The following NLGN4Y variants were observed in gnomAD, a reference collection of about 807,000 sequenced individuals.
NLGN4Y encodes the protein neuroligin 4 Y-linked.
Under a neutral mutation model 8.4 loss-of-function variants are expected in NLGN4Y, and 4 were observed. That is an observed-to-expected ratio of 0.48 (90% CI 0.23 to 1.09). The LOEUF (loss-of-function observed/expected upper bound fraction) is 1.09, where lower values mean the gene tolerates loss of function less well. Ranked by LOEUF, NLGN4Y falls within the 50% of genes least tolerant of loss-of-function variation. The probability of loss-of-function intolerance (pLI) is 0.19; values close to 1 mark genes in which losing one functional copy is unlikely to be tolerated. For missense variants in NLGN4Y, 90 were observed against 192.3 expected, an observed-to-expected ratio of 0.47 and a Z score of 3.15; for synonymous variants, 35 against 75.6, an observed-to-expected ratio of 0.46 and a Z score of 2.78.
At chrY:14,757,911 T>C (rs2081067417) in intron 4 of NLGN4Y, among the ~76,000 whole-genome samples, 1 of 34,762 alleles carries the variant, frequency 2.9e-5, no homozygotes, top group African/African-American at 1.1e-4. Flanking sequence ...CATGATACTC[T>C]CTGGATCATT....
intron 1 of NLGN4Y, among the ~76,000 whole-genome samples, chrY:14,542,406 G>A (rs2080153522): frequency 3.0e-5 from 1 of 33,304 alleles, no homozygotes; most frequent in Non-Finnish European, 7.4e-5. Flanking sequence ...CAGAAAATTA[G>A]CAAGGATATT....
intron 1 of NLGN4Y, among the ~76,000 whole-genome samples, chrY:14,553,566 CTGTGTGTGTG>C: frequency 4.6e-5 from 1 of 21,735 alleles, no homozygotes; most frequent in South Asian, 1.1e-3. Context: ...GGTACCAAAA[CTGTGTGTGTG>C]TGTGTGTGTG....
intron 2 of NLGN4Y, among the ~76,000 whole-genome samples, chrY:14,627,011 C>T: frequency 2.2e-4 from 1 of 4,526 alleles, no homozygotes; most frequent in Non-Finnish European, 4.5e-4. Flanking sequence ...ATTGAAACCC[C>T]GTTTCTACTA....
At chrY:14,771,327 G>T in intron 4 of NLGN4Y, among the ~76,000 whole-genome samples, 1 of 32,225 alleles carries the variant, frequency 3.1e-5, no homozygotes, top group Non-Finnish European at 7.6e-5. Flanking sequence ...AAAAAGGGAA[G>T]CCCATCAGAC....
At chrY:14,726,041 G>A in intron 4 of NLGN4Y, among the ~76,000 whole-genome samples, 1 of 33,102 alleles carries the variant, frequency 3.0e-5, no homozygotes, top group African/African-American at 1.2e-4. Flanking sequence ...ATGGATTACA[G>A]GACCTAGGTG....
At chrY:14,615,577 C>G in intron 1 of NLGN4Y, among the ~76,000 whole-genome samples, 1 of 33,277 alleles carries the variant, frequency 3.0e-5, no homozygotes, top group Non-Finnish European at 7.5e-5. Context: ...CTCTTATTAT[C>G]TTGAGATATG....
chrY:14,595,638 T>G, intron 1 of NLGN4Y, among the ~76,000 whole-genome samples: 1 of 32,916 alleles, frequency 3.0e-5, no homozygotes, highest in Non-Finnish European at 7.5e-5. Context: ...TTGGTCCCAA[T>G]GGCTTAGGAT....
At chrY:14,782,919 G>C in intron 4 of NLGN4Y, among the ~76,000 whole-genome samples, 1 of 33,595 alleles carries the variant, frequency 3.0e-5, no homozygotes, top group Non-Finnish European at 7.4e-5. Context: ...TGGAGGCTGG[G>C]GCATTGGAAC....
At chrY:14,771,176 C>G in intron 4 of NLGN4Y, among the ~76,000 whole-genome samples, 1 of 31,280 alleles carries the variant, frequency 3.2e-5, no homozygotes, top group Non-Finnish European at 7.7e-5. Flanking sequence ...CAAGACAGGC[C>G]AACATTCAAA....
chrY:14,707,601 T>A, intron 2 of NLGN4Y, among the ~76,000 whole-genome samples: 2 of 33,057 alleles, frequency 6.1e-5, no homozygotes, highest in South Asian at 1.3e-3. Context: ...TTCTCATTTT[T>A]AAATACACTG....
chrY:14,762,744 A>G, intron 4 of NLGN4Y, among the ~76,000 whole-genome samples: 7 of 34,137 alleles, frequency 2.1e-4, no homozygotes, highest in Non-Finnish European at 5.1e-4. Flanking sequence ...GATAGAAAAT[A>G]TGCCTACCAG....
intron 1 of NLGN4Y, among the ~76,000 whole-genome samples, chrY:14,545,833 T>A (rs981921228): frequency 3.0e-5 from 1 of 33,616 alleles, no homozygotes; most frequent in Non-Finnish European, 7.3e-5. Flanking sequence ...GTTTTCAGTG[T>A]TTTAGACATG....
chrY:14,679,106 G>A, intron 2 of NLGN4Y, among the ~76,000 whole-genome samples: 1 of 32,816 alleles, frequency 3.0e-5, no homozygotes, highest in Admixed American at 2.8e-4. Context: ...CTCAGCCTCT[G>A]GAGTATCTGA....
At chrY:14,604,951 A>G in intron 1 of NLGN4Y, among the ~76,000 whole-genome samples, 2 of 33,344 alleles carry the variant, frequency 6.0e-5, no homozygotes, top group African/African-American at 1.2e-4. Context: ...TTCCAATAAC[A>G]TTTTATTTAT....
At chrY:14,794,251 C>T in intron 4 of NLGN4Y, among the ~76,000 whole-genome samples, 1 of 32,647 alleles carries the variant, frequency 3.1e-5, no homozygotes, top group African/African-American at 1.2e-4. Context: ...TTTTGGATTC[C>T]CTTTAATTCC....
chrY:14,756,604 C>G, intron 4 of NLGN4Y, among the ~76,000 whole-genome samples: 1 of 26,486 alleles, frequency 3.8e-5, no homozygotes, highest in African/African-American at 1.5e-4. Context: ...AAAAATTAGC[C>G]AGGTGTGATG....
At chrY:14,561,298 T>C (rs967942154) in intron 1 of NLGN4Y, among the ~76,000 whole-genome samples, 10 of 32,641 alleles carry the variant, frequency 3.1e-4, no homozygotes, top group Non-Finnish European at 7.5e-4. Flanking sequence ...TTCTCATTGT[T>C]CAGCTCCCAC....
At chrY:14,771,320 A>G in intron 4 of NLGN4Y, among the ~76,000 whole-genome samples, 1 of 32,173 alleles carries the variant, frequency 3.1e-5, no homozygotes, top group African/African-American at 1.2e-4. Context: ...GTTACTCAAA[A>G]AGGGAAGCCC....
chrY:14,554,684 A>G (rs2150472668), intron 1 of NLGN4Y, among the ~76,000 whole-genome samples: 1 of 33,856 alleles, frequency 3.0e-5, no homozygotes, highest in African/African-American at 1.1e-4. Flanking sequence ...TAGAATAGTC[A>G]TACAGGCATT....
Sources: allele counts gnomAD v4.1 joint callset (sites outside exome capture counted in the v4.1 genomes callset), GRCh38; gene constraint gnomAD v4.1.1; transcripts MANE v1.5; gene names NCBI Gene and HGNC (gene_info 2026-07-23, HGNC 2026-07-21).